The following TASP1 variants were observed in gnomAD, a reference collection of about 807,000 sequenced individuals.
The protein encoded by TASP1 is taspase 1, also known as threonine aspartase 1.
Under a neutral mutation model 56.6 loss-of-function variants are expected in TASP1, and 16 were observed. The observed-to-expected ratio is 0.28, with a 90% CI of 0.19 to 0.43. TASP1 has a LOEUF of 0.43. TASP1 is among the 20% of genes least tolerant of loss of function. The pLI, the probability that TASP1 is intolerant of heterozygous loss-of-function variation, is 1.00. For synonymous variants in TASP1, 179 were observed against 184.2 expected (o/e 0.97, Z 0.23); for missense variants, 393 against 511.6 (o/e 0.77, Z 2.24).
chr20:13,275,996 G>A, the TASP1 span, among the ~76,000 whole-genome samples: 1 of 152,206 alleles, frequency 6.6e-6, no homozygotes, highest in African/African-American at 2.4e-5. Flanking sequence ...GTTAGCTGGG[G>A]TTGCCACCCT....
chr20:13,633,314 T>C (rs761555632), intron 1 of TASP1, among the ~76,000 whole-genome samples: 1 of 152,160 alleles, frequency 6.6e-6, no homozygotes, highest in Non-Finnish European at 1.5e-5. Context: ...AGTCATACAA[T>C]ACTGATTACC....
At chr20:13,452,428 A>AAC (rs139997009) in intron 11 of TASP1, among the ~76,000 whole-genome samples, 11 of 151,030 alleles carry the variant, frequency 7.3e-5, no homozygotes, top group African/African-American at 2.4e-4. Context: ...AAAAAAAAAA[A>AAC]TTCCTGAAAA....
intron 10 of TASP1, among the ~76,000 whole-genome samples, chr20:13,509,749 C>A (rs1408574868): frequency 6.6e-6 from 1 of 152,220 alleles, no homozygotes; most frequent in African/African-American, 2.4e-5. Context: ...GCCTCAGCCT[C>A]CTGACTAGCT....
rs536763316 is a variant in TASP1 at position 13,584,055 on chromosome 20, G to A, written c.404-3074C>T. Among the ~76,000 whole-genome samples the A allele has an allele frequency of 3.3e-5, 5 of 150,466 alleles. No homozygotes were observed. In the East Asian group the frequency reaches 5.8e-4, roughly 17 times the overall value. ...GATCGCACCACTGCACTCCAACCTC[G>A]GCCAACACCCAGAGCTAGACTCCAT... On this transcript the variant is annotated intron_variant, in intron 5 of 13. Transcript: ENST00000337743.
At chr20:13,494,945 T>C (rs2043667204) in intron 10 of TASP1, among the ~76,000 whole-genome samples, 1 of 150,890 alleles carries the variant, frequency 6.6e-6, no homozygotes, top group Non-Finnish European at 1.5e-5. Flanking sequence ...GTGCATTTCA[T>C]GAGCCAGAAA....
the TASP1 span, among the ~76,000 whole-genome samples, chr20:13,309,784 A>G: frequency 7.2e-5 from 11 of 152,170 alleles, no homozygotes; most frequent in African/African-American, 2.7e-4. Context: ...AAAATCAGCA[A>G]TGTTTCTATA....
rs181521505 is a variant in TASP1, at chr20:13,594,086, G to A, written c.283-6716C>T. Among the ~76,000 whole-genome samples the A allele has an allele frequency of 3.9e-5, 6 of 152,310 alleles. No homozygotes were observed. In the East Asian group the frequency reaches 9.6e-4, roughly 24 times the overall value. On this transcript the variant is annotated intron_variant, in intron 4 of 13. Coordinates refer to ENST00000337743, the MANE Select transcript of TASP1 (RefSeq NM_017714.3). The stretch of plus-strand genomic sequence containing the variant: ...TGCTGGTGATACCCAGGCAAACAGG[G>A]TCTGGAGTGGACCTCTAGCAAATTC...
the TASP1 span, among the ~76,000 whole-genome samples, chr20:13,260,442 T>C: frequency 1.3e-5 from 2 of 152,240 alleles, no homozygotes; most frequent in African/African-American, 4.8e-5. Flanking sequence ...CAACAGGTTT[T>C]ACCCAGCTTT....
At chr20:13,263,486 C>A in the TASP1 span, among the ~76,000 whole-genome samples, 9 of 152,186 alleles carry the variant, frequency 5.9e-5, no homozygotes, top group African/African-American at 2.2e-4. Context: ...GGAGTGCTTG[C>A]TCCTCAATCA....
chr20:13,457,185 G>A (rs749002088), intron 11 of TASP1, among the ~76,000 whole-genome samples: 5 of 152,014 alleles, frequency 3.3e-5, no homozygotes, highest in Admixed American at 6.6e-5. Context: ...AGGAGTTGAT[G>A]GGTTCAGCAA....
chr20:13,588,317 A>G (rs199814373), intron 4 of TASP1, among the ~76,000 whole-genome samples: 2 of 113,820 alleles, frequency 1.8e-5, no homozygotes, highest in South Asian at 2.7e-4. Flanking sequence ...AAGAGAAAGA[A>G]AAGGAAGGAA....
At chr20:13,389,330 A>T (rs1421518271), downstream of TASP1, 2 of 152,232 alleles carry the variant, frequency 1.3e-5, no homozygotes, top group Non-Finnish European at 2.9e-5. Flanking sequence ...CAACAGCAAG[A>T]TGGATAATGG....
At chr20:13,608,194 T>C (rs924588300) in intron 4 of TASP1, among the ~76,000 whole-genome samples, 12 of 152,326 alleles carry the variant, frequency 7.9e-5, no homozygotes, top group African/African-American at 2.6e-4. Flanking sequence ...GCTAGCACTA[T>C]TCTAAGAATT....
chr20:13,144,620 C>T, the TASP1 span, among the ~76,000 whole-genome samples: 2,475 of 152,284 alleles, frequency 0.016, 71 homozygotes, highest in African/African-American at 0.057. Context: ...AGAGAATCAA[C>T]AAACACTATA....
At chr20:13,425,853 A>G (rs1482450194) in intron 12 of TASP1, among the ~76,000 whole-genome samples, 1 of 152,094 alleles carries the variant, frequency 6.6e-6, no homozygotes, top group East Asian at 1.9e-4. Flanking sequence ...TACTGTCTTG[A>G]CATGGAATCC....
chr20:13,612,343 T>C (rs768124207), intron 4 of TASP1, among the ~76,000 whole-genome samples: 9 of 152,182 alleles, frequency 5.9e-5, no homozygotes, highest in Admixed American at 4.6e-4. Context: ...CATGGTATTT[T>C]TCTCAAATAC....
the TASP1 span, among the ~76,000 whole-genome samples, chr20:13,151,464 A>C: frequency 1.3e-5 from 2 of 152,248 alleles, no homozygotes; most frequent in Non-Finnish European, 2.9e-5. Context: ...AAGAACAATA[A>C]GCCGGATGCT....
At chr20:13,551,991 T>C (rs1328565555) in intron 8 of TASP1, among the ~76,000 whole-genome samples, 1 of 152,218 alleles carries the variant, frequency 6.6e-6, no homozygotes, top group East Asian at 1.9e-4. Context: ...TGAACTTTAC[T>C]GTGTGTATAC....
At chr20:13,633,283 A>T (rs1402620194) in intron 1 of TASP1, among the ~76,000 whole-genome samples, 1 of 152,208 alleles carries the variant, frequency 6.6e-6, no homozygotes, top group Non-Finnish European at 1.5e-5. Flanking sequence ...CAAAGTATAA[A>T]TCTGGACAGA....
Sources: gnomAD v4.1 joint callset for allele counts (sites outside exome capture counted in the v4.1 genomes callset) on GRCh38, gnomAD v4.1.1 for gene constraint, MANE v1.5 for transcripts, NCBI Gene and HGNC (gene_info 2026-07-23, HGNC 2026-07-21) for gene names.